Variants in BST1 observed in about 807,000 individuals in gnomAD.
The protein encoded by BST1 is ADP-ribosyl cyclase/cyclic ADP-ribose hydrolase 2.
BST1 carries 49 observed loss-of-function variants against 40.6 expected under a neutral mutation model. That is an observed-to-expected ratio of 1.21 (90% CI 0.96 to 1.53). The LOEUF (loss-of-function observed/expected upper bound fraction) is 1.53, where lower values mean the gene tolerates loss of function less well. Ranked by LOEUF, BST1 falls within the 40% of genes most tolerant of loss-of-function variation. The probability of loss-of-function intolerance (pLI) is 0.00; values close to 1 mark genes in which losing one functional copy is unlikely to be tolerated. For synonymous variants in BST1, 157 were observed against 159.3 expected (o/e 0.99, Z 0.11); for missense variants, 423 against 395.9 (o/e 1.07, Z -0.58).
the BST1 span, among the ~76,000 whole-genome samples, chr4:15,760,237 A>T: frequency 6.7e-6 from 1 of 150,112 alleles, no homozygotes; most frequent in Non-Finnish European, 1.5e-5. Flanking sequence ...AGGTACGTCC[A>T]TGTTGTGGTA....
downstream of BST1, among the ~76,000 whole-genome samples, chr4:15,734,548 AG>A (rs1415748364): frequency 6.6e-6 from 1 of 152,112 alleles, no homozygotes; most frequent in Non-Finnish European, 1.5e-5. Flanking sequence ...TTTACATAGC[AG>A]GAAGGAAATG....
Position 15,707,530 on chromosome 4 carries a change from G to C in BST1, c.335G>C (p.Ser112Thr). The change falls in exon 3 of 9, where the codon AGC (serine) becomes ACC (threonine). Residue 112 changes from serine (S) to threonine (T), a missense_variant. Physicochemically the swap from Ser to Thr is moderately conservative, Grantham distance 58. Coordinates refer to ENST00000265016, the MANE Select transcript of BST1 (RefSeq NM_004334.3). ...PRDKSLFWEN[S>T]HLLVNSFADN... The stretch of plus-strand genomic sequence containing the variant: ...CCTTAGTCCCTGTTCTGGGAAAATA[G>C]CCACCTCCTTGTTAACAGCTTTGCA... 1.9e-6 allele frequency: 3 copies of C among 1,609,080 alleles called. No homozygotes were observed. Among genetic ancestry groups the C allele is most frequent in the Non-Finnish European group, 2.5e-6 (3 of 1,177,030 alleles).
chr4:15,705,663 G>A (rs770848355), intron 2 of BST1, 22 bp downstream of exon 2: 2 of 1,612,592 alleles, frequency 1.2e-6, no homozygotes, highest in African/African-American at 1.3e-5. Context: ...ACCATCTTGG[G>A]TAAAACTGTG....
At chr4:15,731,326 T>G in intron 8 of BST1, 1 of 504,922 alleles carries the variant, frequency 2.0e-6, no homozygotes, top group Non-Finnish European at 3.6e-6. Context: ...GCCAGTTTCT[T>G]GACCAGTTTC....
At chr4:15,731,647 A>G (rs1275756048) in intron 8 of BST1, 93 bp from the exon 9 acceptor site, 14 of 1,473,672 alleles carry the variant, frequency 9.5e-6, no homozygotes, top group Non-Finnish European at 1.1e-5. Flanking sequence ...CTCCGCGCTA[A>G]CCAGAAAAGA....
downstream of BST1, among the ~76,000 whole-genome samples, chr4:15,742,778 T>A (rs1435271577): frequency 6.6e-6 from 1 of 152,200 alleles, no homozygotes; most frequent in African/African-American, 2.4e-5. Context: ...TGAAGGAAAC[T>A]GGGGTTGAAG....
chr4:15,737,100 G>A (rs150843744), downstream of BST1, among the ~76,000 whole-genome samples: 161 of 152,232 alleles, frequency 1.1e-3, 2 homozygotes, highest in African/African-American at 3.6e-3. Context: ...GTGTAAGTAG[G>A]GATTATAAGT....
downstream of BST1, chr4:15,737,663 G>T (rs1721618585): frequency 3.7e-6 from 2 of 535,678 alleles, no homozygotes; most frequent in Non-Finnish European, 6.5e-6. Context: ...ACAAGGACTG[G>T]GTGGGCACAT....
intron 1 of BST1, among the ~76,000 whole-genome samples, chr4:15,704,569 T>C (rs571019991): frequency 2.1e-3 from 313 of 151,766 alleles, no homozygotes; most frequent in Middle Eastern, 3.4e-3. Context: ...GTGAGGGATG[T>C]GTGTGTGGTC....
the BST1 span, among the ~76,000 whole-genome samples, chr4:15,744,854 A>G: frequency 6.6e-6 from 1 of 152,372 alleles, no homozygotes; most frequent in East Asian, 1.9e-4. Flanking sequence ...AAGCTCAAAT[A>G]AAAATTCAGA....
At chr4:15,734,643 G>A (rs1191217499), downstream of BST1, among the ~76,000 whole-genome samples, 1 of 152,094 alleles carries the variant, frequency 6.6e-6, no homozygotes, top group Non-Finnish European at 1.5e-5. Flanking sequence ...GAAGGGTCTG[G>A]CATCTAATTG....
the BST1 span, among the ~76,000 whole-genome samples, chr4:15,758,864 G>A: frequency 0.6 from 90,680 of 151,488 alleles, 28,178 homozygotes; most frequent in African/African-American, 0.77. Context: ...CTATTTCTAT[G>A]GAATGAAACA....
At chr4:15,770,148 ATT>A in the BST1 span, among the ~76,000 whole-genome samples, 23,271 of 150,624 alleles carry the variant, frequency 0.15, 1,957 homozygotes, top group South Asian at 0.25. Context: ...CTAAAATGTG[ATT>A]TTTTTTTTTA....
At chr4:15,750,498 T>C in the BST1 span, among the ~76,000 whole-genome samples, 2 of 152,202 alleles carry the variant, frequency 1.3e-5, no homozygotes, top group Admixed American at 6.5e-5. Flanking sequence ...TTATTAATTA[T>C]CTGTGAAAGA....
chr4:15,747,057 A>G, the BST1 span, among the ~76,000 whole-genome samples: 2 of 152,166 alleles, frequency 1.3e-5, no homozygotes, highest in Non-Finnish European at 2.9e-5. Flanking sequence ...ACTATGTTAT[A>G]TGCTTGCTGT....
intron 7 of BST1, among the ~76,000 whole-genome samples, chr4:15,722,391 G>A (rs890103370): frequency 6.6e-6 from 1 of 152,112 alleles, no homozygotes; most frequent in Admixed American, 6.6e-5. Flanking sequence ...GTCTTGGTAC[G>A]TAGGAAGTGC....
chr4:15,723,025 G>T (rs1226805502), intron 8 of BST1, 91 bp downstream of exon 8: 1 of 1,200,286 alleles, frequency 8.3e-7, no homozygotes, highest in Non-Finnish European at 1.2e-6. Flanking sequence ...CATATTATCA[G>T]AGGCAGATGT....
chr4:15,742,752 A>G (rs981283585), downstream of BST1, among the ~76,000 whole-genome samples: 3 of 152,248 alleles, frequency 2.0e-5, no homozygotes, highest in African/African-American at 7.2e-5. Context: ...ATACAGTGTT[A>G]TCAGGCTGTT....
At chr4:15,706,050 G>C (rs1217368975) in intron 2 of BST1, among the ~76,000 whole-genome samples, 1 of 152,082 alleles carries the variant, frequency 6.6e-6, no homozygotes. Flanking sequence ...TAAACAACTG[G>C]ATCTTCTGAG....
Sources: allele counts gnomAD v4.1 joint callset (sites outside exome capture counted in the v4.1 genomes callset), GRCh38; gene constraint gnomAD v4.1.1; transcripts MANE v1.5; gene names NCBI Gene and HGNC (gene_info 2026-07-23, HGNC 2026-07-21).